ZNF827: variants seen among roughly 807,000 people sequenced by gnomAD.
ZNF827 encodes the protein zinc finger protein 827.
A neutral mutation model predicts 102.4 loss-of-function variants in ZNF827; 13 were observed. The observed-to-expected ratio is 0.13, with a 90% confidence interval of 0.08 to 0.20. The LOEUF (loss-of-function observed/expected upper bound fraction) is 0.20. Ranked by LOEUF, ZNF827 falls within the 10% of genes least tolerant of loss-of-function variation. ZNF827 has a pLI of 1.00. For missense variants in ZNF827, 1,103 were observed against 1,344.4 expected, an observed-to-expected ratio of 0.82 and a Z score of 2.81; for synonymous variants, 523 against 536.2, an observed-to-expected ratio of 0.98 and a Z score of 0.34.
chr4:145,887,269 G>A (rs1335226007), intron 3 of ZNF827, among the ~76,000 whole-genome samples: 5 of 152,054 alleles, frequency 3.3e-5, no homozygotes, highest in Admixed American at 1.3e-4. Flanking sequence ...CAAGGTTAAA[G>A]GCTCATGCGT....
intron 1 of ZNF827, chr4:145,907,243 T>G: frequency 4.4e-6 from 2 of 455,804 alleles, no homozygotes; most frequent in South Asian, 3.1e-5. Context: ...TCTATTTTCA[T>G]GTCCAATCTC....
chr4:145,846,922 G>A (rs112626414), intron 6 of ZNF827, among the ~76,000 whole-genome samples: 20 of 140,354 alleles, frequency 1.4e-4, no homozygotes, highest in South Asian at 4.6e-4. Context: ...GGGAGGCCGA[G>A]GCAGGTGGAT....
rs1417116100 is a variant in ZNF827 at position 145,902,274 on chromosome 4, G to C, written c.985C>G (p.Pro329Ala). 6.3e-7 allele frequency: 1 copy of C among 1,590,510 alleles called. No homozygotes were observed. The highest frequency in any genetic ancestry group is 1.8e-5 in the Admixed American group (1 of 56,716). ...GGTGGAGGTGGCGGTGGAGGTGGCG[G>C]AGTGACTTTTTCTGGTTTCTTCTCT... ...PSEKKPEKVT[P>A]PPPPPPPPPP... Residue 329 changes from proline to alanine, a missense_variant, in exon 2 of 15, where the codon CCG (proline) becomes GCG (alanine). Pro to Ala is a conservative substitution (Grantham distance 27). This residue lies in a region of ZNF827 where 441 missense variants were observed against 458.6 expected (regional missense o/e 0.96). Transcript: ENST00000508784. The surrounding 1 kb of genome is among the most constrained non-coding windows in gnomAD (Gnocchi z 4.3).
intron 3 of ZNF827, among the ~76,000 whole-genome samples, chr4:145,888,760 AT>A (rs1750344416): frequency 6.6e-6 from 1 of 152,236 alleles, no homozygotes; most frequent in African/African-American, 2.4e-5. Context: ...ATTTTAGCTT[AT>A]GAATTCATGT....
At chr4:145,854,149 A>C (rs767792183) in intron 5 of ZNF827, among the ~76,000 whole-genome samples, 15 of 151,938 alleles carry the variant, frequency 9.9e-5, no homozygotes, top group Admixed American at 9.8e-4. Flanking sequence ...AGGAGTTTGG[A>C]AGTCTTCCTC....
In ZNF827 at chr4:145,874,807, G is replaced by A. The variant is rs146410328; in HGVS notation, c.1748-4329C>T. 5.3e-5 allele frequency among the ~76,000 whole-genome samples: 8 copies of A among 152,312 alleles called. No homozygotes were observed. In the East Asian group the frequency reaches 1.5e-3, roughly 29 times the overall value. On this transcript the variant is annotated intron_variant, in intron 4 of 14. Transcript: ENST00000508784. ...TGGATAACTGCACTTTTGATGTGAT[G>A]AGAAAGCCCTTGGTAATCAAGAGGC...
chr4:145,771,567 T>C (rs995146290), intron 11 of ZNF827, among the ~76,000 whole-genome samples: 1 of 152,202 alleles, frequency 6.6e-6, no homozygotes, highest in African/African-American at 2.4e-5. Context: ...TTTCCCCTTG[T>C]TGATATTCTC....
intron 3 of ZNF827, among the ~76,000 whole-genome samples, chr4:145,888,889 C>T (rs752208782): frequency 9.2e-5 from 14 of 152,164 alleles, no homozygotes; most frequent in Non-Finnish European, 1.8e-4. Context: ...GTGATAAAAA[C>T]ATTTGCACGA....
intron 8 of ZNF827, among the ~76,000 whole-genome samples, chr4:145,805,637 T>C (rs1741346122): frequency 6.6e-6 from 1 of 152,196 alleles, no homozygotes. Flanking sequence ...AAGAGTTAAA[T>C]GGAAGTAAGA....
chr4:145,899,467 CTG>C (rs948533312), intron 2 of ZNF827, among the ~76,000 whole-genome samples: 12 of 152,206 alleles, frequency 7.9e-5, no homozygotes, highest in African/African-American at 2.9e-4. Context: ...ATTAGATACT[CTG>C]TGAACTCCTT....
At chr4:145,927,283 G>T (rs1753493961) in intron 1 of ZNF827, among the ~76,000 whole-genome samples, 1 of 152,212 alleles carries the variant, frequency 6.6e-6, no homozygotes, top group Non-Finnish European at 1.5e-5. Flanking sequence ...CACTGCATGT[G>T]ACTCCGTTCT....
At chr4:145,846,559 GT>G (rs1191973823) in intron 6 of ZNF827, among the ~76,000 whole-genome samples, 1 of 146,128 alleles carries the variant, frequency 6.8e-6, no homozygotes, top group East Asian at 2.1e-4. Context: ...GCTCATGCCT[GT>G]AATCCCAGCA....
At position 145,774,171 on chromosome 4, in the gene ZNF827, G is replaced by C. The variant is rs181168961; in HGVS notation, c.2860+335C>G. Among the ~76,000 whole-genome samples, 126 of 152,268 alleles carry C rather than the reference G, an allele frequency of 8.3e-4. 1 individual carries two copies. Among genetic ancestry groups the C allele is most frequent in the African/African-American group, 2.7e-3 (112 of 41,556 alleles). On this transcript the variant is annotated intron_variant, in intron 11 of 14. Transcript: ENST00000508784. ...GAGGGTTGCTATGGGGCTTAAATGAGAGCCAGTGTGCAAAGGCATAAGACT... is the reference window on the plus strand; with the variant it reads ...GAGGGTTGCTATGGGGCTTAAATGACAGCCAGTGTGCAAAGGCATAAGACT...
intron 5 of ZNF827, among the ~76,000 whole-genome samples, chr4:145,868,192 C>A (rs1561018696): frequency 6.6e-6 from 1 of 152,184 alleles, no homozygotes; most frequent in Non-Finnish European, 1.5e-5. Flanking sequence ...TTTACCTGAC[C>A]ATGGCCACTA....
Position 145,870,498 on chromosome 4 carries a change from G to C in ZNF827, c.1748-20C>G. 1.2e-6 allele frequency: 2 copies of C among 1,608,648 alleles called. No individual in the cohort carries two copies. The highest frequency in any genetic ancestry group is 8.5e-7 in the Non-Finnish European group (1 of 1,175,898). ...TTGCAGCTGTCAAAAGAAAAAAAGG[G>C]ATTATATATACATAAAAGGCCACTC... On this transcript the variant is annotated intron_variant, in intron 4 of 14. Coordinates refer to ENST00000508784, the MANE Select transcript of ZNF827 (RefSeq NM_001306215.2).
In ZNF827 at chr4:145,765,447, T is replaced by C; in HGVS notation, c.3052+100A>G. On this transcript the variant is annotated intron_variant, in intron 12 of 14. Coordinates refer to ENST00000508784, the MANE Select transcript of ZNF827 (RefSeq NM_001306215.2). This position sits in a 1 kb window ranked among gnomAD's most constrained non-coding sequence, Gnocchi z 4.7. ...CCCAGCATACTGCATCCTGGGCCTA[T>C]TATCAGTTTTTGACATCGCTCCTGT... is the stretch of plus-strand genomic sequence containing the variant. 7.3e-7 allele frequency: 1 copy of C among 1,375,672 alleles called. No homozygotes were observed. Among genetic ancestry groups the C allele is most frequent in the Non-Finnish European group, 9.8e-7 (1 of 1,016,302 alleles). 85.2% of individuals were successfully genotyped at this position (1,375,672 alleles called of 1,614,324 possible). A position where few individuals can be genotyped will look rare whatever the true frequency, so the allele number is the denominator to read the frequency against.
At chr4:145,818,966 C>T (rs1301013178) in intron 8 of ZNF827, among the ~76,000 whole-genome samples, 1 of 152,178 alleles carries the variant, frequency 6.6e-6, no homozygotes, top group Admixed American at 6.5e-5. Context: ...TTTGATTGAA[C>T]ATCAAATTCT....
intron 7 of ZNF827, among the ~76,000 whole-genome samples, chr4:145,830,093 T>C (rs1160358520): frequency 6.6e-6 from 1 of 152,172 alleles, no homozygotes; most frequent in Non-Finnish European, 1.5e-5. Context: ...TTTGAATATG[T>C]GGAATATGCA....
At chr4:145,899,547 C>T (rs1751248383) in intron 2 of ZNF827, among the ~76,000 whole-genome samples, 6 of 152,196 alleles carry the variant, frequency 3.9e-5, no homozygotes, top group Admixed American at 3.9e-4. Flanking sequence ...AGAGTGAGGG[C>T]ATCCCCTCTT....
Sources: allele counts gnomAD v4.1 joint callset (sites outside exome capture counted in the v4.1 genomes callset), GRCh38; gene constraint gnomAD v4.1.1; regional missense constraint gnomAD v4.1.1; non-coding constraint Gnocchi (gnomAD v3.1); transcripts MANE v1.5; gene names NCBI Gene and HGNC (gene_info 2026-07-23, HGNC 2026-07-21).